ZBTB40: variants seen among roughly 807,000 people sequenced by gnomAD.
The protein encoded by ZBTB40 is zinc finger and BTB domain containing 40.
Under a neutral mutation model 117.5 loss-of-function variants are expected in ZBTB40, and 60 were observed. The ratio of observed to expected loss-of-function variants is 0.51; its 90% CI spans 0.41 to 0.63. The LOEUF (loss-of-function observed/expected upper bound fraction) is 0.63, where lower values mean the gene tolerates loss of function less well. Among genes scored for constraint, ZBTB40 ranks in the 30% least tolerant of loss-of-function variants. The probability of loss-of-function intolerance (pLI) is 0.00; values close to 1 mark genes in which losing one functional copy is unlikely to be tolerated. For synonymous variants in ZBTB40, 525 were observed against 577.1 expected, an observed-to-expected ratio of 0.91 and a Z score of 1.29; for missense variants, 1,287 against 1,498.5, an observed-to-expected ratio of 0.86 and a Z score of 2.33.
At chr1:22,518,112 C>T (rs1268047757) in intron 13 of ZBTB40, among the ~76,000 whole-genome samples, 1 of 152,188 alleles carries the variant, frequency 6.6e-6, no homozygotes, top group African/African-American at 2.4e-5. Flanking sequence ...ATCGGGAAAT[C>T]ACCAGCGTGG....
intron 3 of ZBTB40, among the ~76,000 whole-genome samples, chr1:22,493,041 G>A (rs987787492): frequency 2.0e-5 from 3 of 152,150 alleles, no homozygotes; most frequent in Non-Finnish European, 2.9e-5. Flanking sequence ...TTTATACTTA[G>A]TTGAACTGTG....
intron 17 of ZBTB40, among the ~76,000 whole-genome samples, chr1:22,525,615 A>G (rs116724267): frequency 0.014 from 2,181 of 152,362 alleles, 50 homozygotes; most frequent in African/African-American, 0.049. Flanking sequence ...TTTGGAAGGG[A>G]CATAGGTGGG....
chr1:22,469,488 T>G lies in ZBTB40; in HGVS notation c.-70+17484T>G, dbSNP rs531972864. Among the ~76,000 whole-genome samples the G allele has an allele frequency of 1.1e-4, 17 of 152,262 alleles. No individual in the cohort carries two copies. In the South Asian group the frequency reaches 3.5e-3, roughly 32 times the overall value. On this transcript the variant is annotated intron_variant, in intron 1 of 17. Transcript: ENST00000375647. ...GTACATGCCATTGCACCCGGCTATA[T>G]TAATAGTCACCTAAATGTTTTTGAG...
intron 1 of ZBTB40, among the ~76,000 whole-genome samples, chr1:22,453,695 C>T (rs958855358): frequency 2.6e-5 from 4 of 152,184 alleles, no homozygotes; most frequent in African/African-American, 9.7e-5. Context: ...AACAAACTCA[C>T]GTCGGAGAGA....
intron 1 of ZBTB40, among the ~76,000 whole-genome samples, chr1:22,488,057 G>A (rs1448206206): frequency 2.0e-5 from 3 of 152,130 alleles, no homozygotes; most frequent in East Asian, 1.9e-4. Context: ...TCATCTGTGC[G>A]TCCGTATCTT....
chr1:22,478,961 G>T (rs944794201), intron 1 of ZBTB40, among the ~76,000 whole-genome samples: 4 of 152,098 alleles, frequency 2.6e-5, no homozygotes, highest in African/African-American at 9.7e-5. Flanking sequence ...ACTACTCACA[G>T]CACCTCTAGG....
chr1:22,519,528 T>C (rs1299938284), intron 13 of ZBTB40: 2 of 183,878 alleles, frequency 1.1e-5, no homozygotes, highest in African/African-American at 4.7e-5. Flanking sequence ...ATTAAGTGAG[T>C]TAATTTACAT....
At chr1:22,523,033 C>T (rs1639582419) in intron 16 of ZBTB40, among the ~76,000 whole-genome samples, 1 of 150,088 alleles carries the variant, frequency 6.7e-6, no homozygotes, top group Non-Finnish European at 1.5e-5. Flanking sequence ...CTGCAAGCTC[C>T]GTCTCCCAGG....
At chr1:22,486,558 G>A (rs1315753388) in intron 1 of ZBTB40, among the ~76,000 whole-genome samples, 1 of 152,168 alleles carries the variant, frequency 6.6e-6, no homozygotes, top group East Asian at 1.9e-4. Context: ...AGCTCTAGGA[G>A]GTAAAGCTCA....
At chr1:22,471,342 G>A (rs10753538) in intron 1 of ZBTB40, among the ~76,000 whole-genome samples, 55,749 of 152,140 alleles carry the variant, frequency 0.37, 12,141 homozygotes, top group African/African-American at 0.56. Context: ...AGGGATTGGG[G>A]AATGATGGCA....
At chr1:22,458,628 T>C (rs981418710) in intron 1 of ZBTB40, among the ~76,000 whole-genome samples, 2 of 152,260 alleles carry the variant, frequency 1.3e-5, no homozygotes, top group Non-Finnish European at 2.9e-5. Context: ...AGTCAGATAT[T>C]GTCTTAAAGT....
In ZBTB40 at chr1:22,501,662, T is replaced by C; in HGVS notation, c.1002T>C (p.Asp334=). Residue 334 remains aspartate, a synonymous_variant, in exon 4 of 18, where the codon GAT becomes GAC. Transcript: ENST00000375647. The stretch of plus-strand genomic sequence containing the variant: ...CACTATTAGACAGGAAGCCAGAAGA[T>C]GTAGACACAGTGCAGCCAAAAGGTA... ...KTALLDRKPE[D]VDTVQPKGST... 1 of 1,613,938 alleles carries C rather than the reference T, an allele frequency of 6.2e-7. No individual in the cohort carries two copies. The highest frequency in any genetic ancestry group is 8.5e-7 in the Non-Finnish European group (1 of 1,179,982).
intron 1 of ZBTB40, among the ~76,000 whole-genome samples, chr1:22,466,789 C>T (rs749746882): frequency 2.0e-5 from 3 of 151,250 alleles, no homozygotes; most frequent in Non-Finnish European, 4.4e-5. Context: ...TTCTGGTACA[C>T]TATATGTATT....
intron 1 of ZBTB40, among the ~76,000 whole-genome samples, chr1:22,461,265 C>T (rs998288726): frequency 2.6e-5 from 4 of 151,848 alleles, no homozygotes; most frequent in African/African-American, 9.7e-5. Flanking sequence ...AGGTTAAAAC[C>T]AGAGGGAGAC....
intron 3 of ZBTB40, among the ~76,000 whole-genome samples, chr1:22,492,132 G>A (rs777994466): frequency 2.0e-5 from 3 of 152,168 alleles, no homozygotes; most frequent in Non-Finnish European, 4.4e-5. Context: ...CTGTCTCAAA[G>A]AGGTGGTGTA....
At chr1:22,522,894 G>C (rs893953203) in intron 16 of ZBTB40, among the ~76,000 whole-genome samples, 2 of 144,168 alleles carry the variant, frequency 1.4e-5, no homozygotes, top group Non-Finnish European at 3.0e-5. Context: ...AGCCTCCCAA[G>C]TAGCTGGAAT....
At chr1:22,515,172 A>C (rs1025467222) in intron 12 of ZBTB40, among the ~76,000 whole-genome samples, 3 of 152,176 alleles carry the variant, frequency 2.0e-5, no homozygotes, top group African/African-American at 7.2e-5. Flanking sequence ...GAGCATCCCA[A>C]GTGCAGAGCT....
chr1:22,469,086 C>T (rs1186859214), intron 1 of ZBTB40, among the ~76,000 whole-genome samples: 2 of 152,090 alleles, frequency 1.3e-5, no homozygotes, highest in African/African-American at 2.4e-5. Context: ...GCCTTGGCCT[C>T]CCAAAGTGCT....
At chr1:22,479,548 CT>C (rs1638231493) in intron 1 of ZBTB40, among the ~76,000 whole-genome samples, 2 of 152,060 alleles carry the variant, frequency 1.3e-5, no homozygotes, top group South Asian at 4.1e-4. Context: ...AGTTGTCATT[CT>C]TTTGTAAATA....
Sources: allele counts gnomAD v4.1 joint callset (sites outside exome capture counted in the v4.1 genomes callset), GRCh38; gene constraint gnomAD v4.1.1; transcripts MANE v1.5; gene names NCBI Gene and HGNC (gene_info 2026-07-23, HGNC 2026-07-21).